Variants in NUP98 observed in about 807,000 individuals in gnomAD.
NUP98 encodes nuclear pore complex protein Nup98-Nup96.
In NUP98, 26 loss-of-function variants were observed where a neutral mutation model predicts 191.9. That is an observed-to-expected ratio of 0.14 (90% confidence interval 0.10 to 0.19). The LOEUF (loss-of-function observed/expected upper bound fraction) is 0.19, where lower values mean the gene tolerates loss of function less well. Among genes scored for constraint, NUP98 ranks in the 10% least tolerant of loss-of-function variants. NUP98 has a pLI of 1.00. For missense variants in NUP98, 1,941 were observed against 2,178.8 expected (o/e 0.89, Z 2.17); for synonymous variants, 808 against 778.4 (o/e 1.04, Z -0.63).
intron 1 of NUP98, among the ~76,000 whole-genome samples, chr11:3,782,622 C>A (rs1236884523): frequency 7.0e-6 from 1 of 143,128 alleles, no homozygotes; most frequent in East Asian, 2.0e-4. Flanking sequence ...TGGCTCACTG[C>A]AACCTCCTCC....
At chr11:3,708,473 A>G (rs2078931578) in intron 20 of NUP98, among the ~76,000 whole-genome samples, 1 of 152,210 alleles carries the variant, frequency 6.6e-6, no homozygotes, top group Non-Finnish European at 1.5e-5. Flanking sequence ...GCTAAGGATC[A>G]AGGTTTTATT....
chr11:3,683,777 A>G (rs773859936), intron 29 of NUP98, among the ~76,000 whole-genome samples: 27 of 151,902 alleles, frequency 1.8e-4, no homozygotes, highest in Non-Finnish European at 3.2e-4. Flanking sequence ...ACCTCAGGTG[A>G]TCCACCCGCC....
chr11:3,772,760 G>A (rs1020854432), intron 6 of NUP98, among the ~76,000 whole-genome samples: 1 of 150,976 alleles, frequency 6.6e-6, no homozygotes, highest in Admixed American at 6.6e-5. Flanking sequence ...ATTGTAGTGA[G>A]CTGAGATCAC....
intron 7 of NUP98, among the ~76,000 whole-genome samples, chr11:3,769,327 G>C (rs946560081): frequency 3.3e-5 from 5 of 152,094 alleles, no homozygotes; most frequent in Non-Finnish European, 7.4e-5. Flanking sequence ...TTGGGAGACC[G>C]AGGTGGGTAT....
intron 28 of NUP98, among the ~76,000 whole-genome samples, chr11:3,691,070 G>A (rs1280435850): frequency 6.6e-6 from 1 of 152,188 alleles, no homozygotes. Flanking sequence ...TATCAGCTTA[G>A]CTGTAATGGT....
At position 3,703,014 on chromosome 11, in the gene NUP98, C is replaced by CAG. The variant is rs1254768259; in HGVS notation, c.3083-124_3083-123dup. 34 of 812,782 alleles carry CAG rather than the reference C, an allele frequency of 4.2e-5. No homozygotes were observed. The African/African-American group carries it at 5.9e-4, about 14-fold the overall frequency. 50.3% of individuals were successfully genotyped at this position (812,782 alleles called of 1,614,324 possible). A position where few individuals can be genotyped will look rare whatever the true frequency, so the allele number is the denominator to read the frequency against. ...CAATGTTTAATCAAACTACTTATAT[C>CAG]AGATGTGGATGACCAGAAGCAGGCT... On this transcript the variant is annotated intron_variant, in intron 22 of 32. Transcript: ENST00000324932.
At position 3,700,822 on chromosome 11, in the gene NUP98, A is replaced by T; in HGVS notation, c.3530T>A (p.Phe1177Tyr). The change falls in exon 24 of 33, where the codon TTC becomes TAC. Residue 1177 changes from phenylalanine to tyrosine, a missense_variant. This residue lies in a region of NUP98 where 1,030 missense variants were observed against 1,115.8 expected (regional missense o/e 0.92). Coordinates refer to ENST00000324932, the MANE Select transcript of NUP98 (RefSeq NM_016320.5). Reference sequence around the variant, plus strand: ...ACTGAGTTTTTCTAAGTGAACTTTGAATGGGGACTCAGTTAGGCTACAAGA... The same window carrying T: ...ACTGAGTTTTTCTAAGTGAACTTTGTATGGGGACTCAGTTAGGCTACAAGA... ...VAVKPLTESP[F>Y]KVHLEKLSLR... 1 of 1,613,588 alleles carries T rather than the reference A, an allele frequency of 6.2e-7. No individual in the cohort carries two copies. The highest frequency in any genetic ancestry group is 2.2e-5 in the East Asian group (1 of 44,882).
chr11:3,707,912 T>C (rs1463833119), intron 20 of NUP98, among the ~76,000 whole-genome samples: 2 of 151,454 alleles, frequency 1.3e-5, no homozygotes, highest in Admixed American at 1.3e-4. Context: ...ACCAGCCTGG[T>C]CAACATGAAG....
At chr11:3,705,747 A>G (rs745549045) in intron 21 of NUP98, among the ~76,000 whole-genome samples, 6 of 152,212 alleles carry the variant, frequency 3.9e-5, no homozygotes, top group South Asian at 2.1e-4. Context: ...TTTGTGGAGC[A>G]CATACAGAGT....
In NUP98 at chr11:3,760,573, T is replaced by C; in HGVS notation, c.1140A>G (p.Ala380=). Residue 380 remains alanine, a synonymous_variant, in exon 10 of 33, where the codon GCA becomes GCG. Transcript: ENST00000324932. The part of the protein sequence containing the change: ...LTTFGSSTTS[A]PSFGTTSGGL... Reference sequence around the variant, plus strand: ...CGCCACTGGTTGTACCAAATGAAGGTGCACTGGTTGTGCTGCTTCCAAATG... The same window carrying C: ...CGCCACTGGTTGTACCAAATGAAGGCGCACTGGTTGTGCTGCTTCCAAATG... 1 of 1,614,024 alleles carries C rather than the reference T, an allele frequency of 6.2e-7. No individual in the cohort carries two copies. Among genetic ancestry groups the C allele is most frequent in the Non-Finnish European group, 8.5e-7 (1 of 1,179,890 alleles).
At chr11:3,687,302 C>T (rs1461224095) in intron 28 of NUP98, among the ~76,000 whole-genome samples, 2 of 152,144 alleles carry the variant, frequency 1.3e-5, no homozygotes, top group Non-Finnish European at 2.9e-5. Context: ...ATCAGATCTA[C>T]GAATTGCAAG....
intron 1 of NUP98, among the ~76,000 whole-genome samples, chr11:3,793,895 C>A (rs142732628): frequency 6.6e-6 from 1 of 151,928 alleles, no homozygotes; most frequent in African/African-American, 2.4e-5. Context: ...CTTGAACCCA[C>A]GAGGCGGAGG....
chr11:3,712,083 T>C (rs1314038903), intron 20 of NUP98: 3 of 1,051,024 alleles, frequency 2.9e-6, no homozygotes, highest in African/African-American at 1.7e-5. Flanking sequence ...ACTATTAAAA[T>C]ACAAATATCA....
In NUP98 at chr11:3,747,693, C is replaced by T. The variant is rs180727493; in HGVS notation, c.1268-3044G>A. Reference sequence around the variant, plus strand: ...ACTACTCATTAAGTACCCAAACGCCCACATTACAGGAGGCTTGAGTTTGAA... The same window carrying T: ...ACTACTCATTAAGTACCCAAACGCCTACATTACAGGAGGCTTGAGTTTGAA... On this transcript the variant is annotated intron_variant, in intron 11 of 32. Transcript: ENST00000324932. Among the ~76,000 whole-genome samples, 151 of 152,224 alleles carry T rather than the reference C, an allele frequency of 9.9e-4. 2 individuals are homozygous for T. Among genetic ancestry groups the T allele is most frequent in the African/African-American group, 3.2e-3 (134 of 41,526 alleles).
chr11:3,733,275 T>C (rs1361339169), intron 13 of NUP98, among the ~76,000 whole-genome samples: 3 of 152,202 alleles, frequency 2.0e-5, no homozygotes, highest in Non-Finnish European at 4.4e-5. Context: ...AATGAAATCA[T>C]GTGACTTTTT....
rs2077821080 is a variant in NUP98 at position 3,676,624 on chromosome 11, C to T, written c.5074-4G>A. 4 of 1,611,074 alleles carry T rather than the reference C, an allele frequency of 2.5e-6. No individual in the cohort carries two copies. Among genetic ancestry groups the T allele is most frequent in the Non-Finnish European group, 3.4e-6 (4 of 1,177,328 alleles). Reference sequence around the variant, plus strand: ...GGTCATTACCTGAGCAATCCACCTACAAAGAAGCAGAGAAGCCAATTAATC... The same window carrying T: ...GGTCATTACCTGAGCAATCCACCTATAAAGAAGCAGAGAAGCCAATTAATC... On this transcript the variant is annotated splice_polypyrimidine_tract_variant and splice_region_variant and intron_variant, in intron 31 of 32. Coordinates refer to ENST00000324932, the MANE Select transcript of NUP98 (RefSeq NM_016320.5).
At position 3,731,567 on chromosome 11, in the gene NUP98, T is replaced by C; in HGVS notation, c.1554A>G (p.Pro518=). ...DPKKKEERLK[P]TNPAAQKALT... is the part of the protein sequence containing the mutation. ...GAGCCTTCTGGGCTGCTGGATTTGT[T>C]GGTTTCAATCTCTGAAAAACAAAAG... The change falls in exon 14 of 33, where the codon CCA becomes CCG. Residue 518 remains proline (P), a synonymous_variant. Transcript: ENST00000324932. 6.4e-7 allele frequency: 1 copy of C among 1,554,488 alleles called. No homozygotes were observed. The highest frequency in any genetic ancestry group is 8.7e-7 in the Non-Finnish European group (1 of 1,149,094).
chr11:3,757,339 T>C (rs2081002841), intron 10 of NUP98, among the ~76,000 whole-genome samples: 3 of 150,854 alleles, frequency 2.0e-5, no homozygotes. Context: ...ACACAAAAAT[T>C]AGCCAGGTGT....
At chr11:3,709,463 G>A (rs1049310264) in intron 20 of NUP98, among the ~76,000 whole-genome samples, 1 of 151,986 alleles carries the variant, frequency 6.6e-6, no homozygotes, top group Admixed American at 6.6e-5. Context: ...CCAGCACATT[G>A]GGAGGCCAAG....
Sources: gnomAD v4.1 joint callset for allele counts (sites outside exome capture counted in the v4.1 genomes callset) on GRCh38, gnomAD v4.1.1 for gene constraint, gnomAD v4.1.1 regional missense constraint, MANE v1.5 for transcripts, NCBI Gene and HGNC (gene_info 2026-07-23, HGNC 2026-07-21) for gene names.